The following NALCN variants were observed in gnomAD, a reference collection of about 807,000 sequenced individuals.
The protein encoded by NALCN is sodium leak channel, non-selective.
Under a neutral mutation model 225.3 loss-of-function variants are expected in NALCN, and 111 were observed. The ratio of observed to expected loss-of-function variants is 0.49; its 90% CI spans 0.42 to 0.58. The LOEUF (loss-of-function observed/expected upper bound fraction) is 0.58. NALCN is among the 20% of genes least tolerant of loss of function. The pLI is 0.00. For missense variants in NALCN, 1,378 were observed against 2,202.4 expected (o/e 0.63, Z 7.49); for synonymous variants, 764 against 769.0 (o/e 0.99, Z 0.11).
chr13:101,068,690 C>G lies in NALCN; in HGVS notation c.4330+5G>C, dbSNP rs763237578. ...AGTAAAAAGTATTCAACTAACATCA[C>G]TTACCTACAAGCAGATTTAGCATGA... On this transcript the variant is annotated splice_donor_5th_base_variant and intron_variant, in intron 38 of 43. Transcript: ENST00000251127. The G allele has an allele frequency of 6.3e-7, 1 of 1,589,632 alleles. No individual in the cohort carries two copies. The highest frequency in any genetic ancestry group is 8.5e-7 in the Non-Finnish European group (1 of 1,169,718).
rs1344262407 is a variant in NALCN at position 101,104,419 on chromosome 13, T to C, written c.2765A>G (p.Glu922Gly). Residue 922 changes from glutamate to glycine, a missense_variant, in exon 25 of 44, where the codon GAG (glutamate) becomes GGG (glycine). By Grantham distance (98) the Glu-to-Gly change is moderately conservative (BLOSUM62 -2). This residue lies in a region of NALCN where 292 missense variants were observed against 409.5 expected (regional missense o/e 0.71). Transcript: ENST00000251127. This position sits in a 1 kb window ranked among gnomAD's most constrained non-coding sequence, Gnocchi z 4.2. ...GCTCATGAATATCACAAACACATAC[T>C]CAGCAATCTGAAACGGGCAAAAGGC... ...VMHAPTLQIA[E>G]YVFVIFMSIE... 1 of 1,613,014 alleles carries C rather than the reference T, an allele frequency of 6.2e-7. No homozygotes were observed. The highest frequency in any genetic ancestry group is 8.5e-7 in the Non-Finnish European group (1 of 1,179,474).
rs779956241 is a variant in NALCN, at chr13:101,058,019, G to T, written c.4943C>A (p.Ser1648Ter). The change falls in exon 43 of 44, where the codon TCG becomes TAG. Residue 1648 changes from serine (S) to a stop codon, truncating the protein, a stop_gained. Transcript: ENST00000251127. LOFTEE classifies it high-confidence loss of function. Reference protein sequence around the residue: ...SQQQLLSPTLSDRGGSRQDAA... With the variant: ...SQQQLLSPTL ...ATCTTGCCGACTTCCTCCTCGATCC[G>T]ACAGCGTGGGGCTCAGGAGCTGCTG... is the stretch of plus-strand genomic sequence containing the variant. 1 of 1,613,582 alleles carries T rather than the reference G, an allele frequency of 6.2e-7. No homozygotes were observed. Among genetic ancestry groups the T allele is most frequent in the Non-Finnish European group, 8.5e-7 (1 of 1,180,030 alleles).
chr13:101,277,079 G>A (rs554869448), intron 10 of NALCN, among the ~76,000 whole-genome samples: 2 of 152,060 alleles, frequency 1.3e-5, no homozygotes, highest in East Asian at 3.9e-4. Flanking sequence ...GAGAGAGGGA[G>A]AAAGAGAGAA....
chr13:101,373,291 T>C (rs2046593967), intron 6 of NALCN, among the ~76,000 whole-genome samples: 1 of 152,146 alleles, frequency 6.6e-6, no homozygotes. Flanking sequence ...CTTGGAAACA[T>C]GTTCCACTTG....
intron 6 of NALCN, chr13:101,373,154 T>C: frequency 3.8e-6 from 1 of 265,600 alleles, no homozygotes; most frequent in South Asian, 3.6e-5. Flanking sequence ...ACTCCATAGC[T>C]CTGTAAGTTG....
chr13:101,246,135 T>C (rs1255643082), intron 11 of NALCN, among the ~76,000 whole-genome samples: 1 of 152,198 alleles, frequency 6.6e-6, no homozygotes, highest in African/African-American at 2.4e-5. Context: ...TCCAGTTCTT[T>C]ATTCAAAACG....
At chr13:101,413,396 C>T (rs9582478) in intron 1 of NALCN, among the ~76,000 whole-genome samples, 15,312 of 151,814 alleles carry the variant, frequency 0.1, 2,498 homozygotes, top group African/African-American at 0.35. Context: ...TATCAGGACA[C>T]TGTTTATAAT....
chr13:101,347,144 C>CACACAT (rs1306220545), intron 6 of NALCN, among the ~76,000 whole-genome samples: 9 of 151,060 alleles, frequency 6.0e-5, no homozygotes, highest in Non-Finnish European at 1.2e-4. Flanking sequence ...TAGTTTTACA[C>CACACAT]ACACACACAC....
At chr13:101,169,660 C>T (rs909201455) in intron 15 of NALCN, among the ~76,000 whole-genome samples, 1 of 152,226 alleles carries the variant, frequency 6.6e-6, no homozygotes, top group Non-Finnish European at 1.5e-5. Context: ...AGCTGGTTCT[C>T]TGCAGGCAGC....
chr13:101,313,274 A>G (rs543143145), intron 7 of NALCN, among the ~76,000 whole-genome samples: 2 of 152,290 alleles, frequency 1.3e-5, no homozygotes, highest in South Asian at 2.1e-4. Flanking sequence ...AGGCATGGGC[A>G]AAGACTTCAT....
At chr13:101,313,834 T>C (rs1342749516) in intron 7 of NALCN, among the ~76,000 whole-genome samples, 1 of 152,102 alleles carries the variant, frequency 6.6e-6, no homozygotes, top group Non-Finnish European at 1.5e-5. Flanking sequence ...GGATTATAAA[T>C]CATGCTGCTA....
chr13:101,111,077 AC>A (rs1566825285), intron 19 of NALCN, 47 bp downstream of exon 19: 4 of 1,559,596 alleles, frequency 2.6e-6, no homozygotes, highest in Non-Finnish European at 3.5e-6. Context: ...TTCCTGTAAA[AC>A]CCCCCTTTTT....
At chr13:101,258,136 C>T (rs1013940894) in intron 11 of NALCN, among the ~76,000 whole-genome samples, 25 of 151,928 alleles carry the variant, frequency 1.6e-4, no homozygotes, top group African/African-American at 4.8e-4. Context: ...AACTAATGTA[C>T]GCTGAGAAAG....
intron 18 of NALCN, among the ~76,000 whole-genome samples, chr13:101,118,466 CT>C (rs2139676173): frequency 1.3e-5 from 2 of 152,222 alleles, no homozygotes; most frequent in African/African-American, 4.8e-5. Flanking sequence ...TATTTTGCCA[CT>C]TTTAAATCTT....
At position 101,075,204 on chromosome 13, in the gene NALCN, T is replaced by C. The variant is rs141756678; in HGVS notation, c.3955-542A>G. On this transcript the variant is annotated intron_variant, in intron 35 of 43. Transcript: ENST00000251127. ...ACAGCATTGTAAAAAATGAAAAATA[T>C]ATGTGGAATATACCCATGGACATTA... 7.8e-3 allele frequency among the ~76,000 whole-genome samples: 1,187 copies of C among 152,256 alleles called. 6 individuals carry two copies. Among genetic ancestry groups the C allele is most frequent in the Middle Eastern group, 0.017 (5 of 294 alleles).
In NALCN at chr13:101,378,552, T is replaced by TA; in HGVS notation, c.375+17dup. The stretch of plus-strand genomic sequence containing the variant: ...TTTTGGAGAATACCTGCTTGTAATT[T>TA]AAAAAATATTTAATTACCTGTAGCA... On this transcript the variant is annotated intron_variant, in intron 4 of 43. Transcript: ENST00000251127. 1.9e-6 allele frequency: 3 copies of TA among 1,579,870 alleles called. No individual in the cohort carries two copies. Among genetic ancestry groups the TA allele is most frequent in the Non-Finnish European group, 2.6e-6 (3 of 1,161,334 alleles).
intron 7 of NALCN, among the ~76,000 whole-genome samples, chr13:101,321,868 G>A (rs947704837): frequency 2.6e-5 from 4 of 152,004 alleles, no homozygotes; most frequent in South Asian, 2.1e-4. Context: ...AGAGAGGACC[G>A]GAATTGTAGA....
chr13:101,404,132 G>A lies in NALCN; in HGVS notation c.-39-4967C>T, dbSNP rs374117614. On this transcript the variant is annotated intron_variant, in intron 1 of 43. Transcript: ENST00000251127. ...AGAGTAGCTGATTAATTAAAAGAGA[G>A]CCTCTAGTGTGGCGCACTTTCTCTT... 6.6e-4 allele frequency among the ~76,000 whole-genome samples: 101 copies of A among 152,290 alleles called. 2 individuals carry two copies. In the South Asian group the frequency reaches 0.021, roughly 31 times the overall value.
At chr13:101,226,879 T>C (rs978011797) in intron 13 of NALCN, among the ~76,000 whole-genome samples, 2 of 152,178 alleles carry the variant, frequency 1.3e-5, no homozygotes, top group Non-Finnish European at 2.9e-5. Flanking sequence ...CTTTCCTCCA[T>C]GCTGGCTCCG....
Sources: allele counts gnomAD v4.1 joint callset (sites outside exome capture counted in the v4.1 genomes callset), GRCh38; gene constraint gnomAD v4.1.1; regional missense constraint gnomAD v4.1.1; non-coding constraint Gnocchi (gnomAD v3.1); transcripts MANE v1.5; gene names NCBI Gene and HGNC (gene_info 2026-07-23, HGNC 2026-07-21).